The following MYRIP variants were observed in gnomAD, a reference collection of about 807,000 sequenced individuals.
The protein encoded by MYRIP is rab effector MyRIP.
MYRIP carries 49 observed loss-of-function variants against 98.0 expected under a neutral mutation model. The ratio of observed to expected loss-of-function variants is 0.50; its 90% CI spans 0.40 to 0.63. MYRIP has a LOEUF of 0.63. Ranked by LOEUF, MYRIP falls within the 30% of genes least tolerant of loss-of-function variation. The probability of loss-of-function intolerance (pLI) is 0.00; values close to 1 mark genes in which losing one functional copy is unlikely to be tolerated. For missense variants in MYRIP, 1,004 were observed against 1,058.2 expected (o/e 0.95, Z 0.71); for synonymous variants, 404 against 409.5 (o/e 0.99, Z 0.16).
At chr3:40,021,655 C>G (rs767575601) in intron 2 of MYRIP, among the ~76,000 whole-genome samples, 1 of 152,184 alleles carries the variant, frequency 6.6e-6, no homozygotes, top group East Asian at 1.9e-4. Flanking sequence ...AGAAAATTCT[C>G]TAGGACAAAA....
chr3:40,108,282 CAG>C (rs1424471555), intron 3 of MYRIP, among the ~76,000 whole-genome samples: 6 of 55,666 alleles, frequency 1.1e-4, no homozygotes, highest in Admixed American at 9.9e-4. Flanking sequence ...TGAAAAAAGA[CAG>C]AGTTTATAAT....
Position 40,167,203 on chromosome 3 carries a change from G to A in MYRIP, c.693G>A (p.Glu231=). ...GTTACCTGCGGGACCACAAGGAGGAGCTAACTGAGGAACTGGCCACGACAA... is the reference window on the plus strand; with the variant it reads ...GTTACCTGCGGGACCACAAGGAGGAACTAACTGAGGAACTGGCCACGACAA... ...EASYLRDHKE[E]LTEELATTIL... Residue 231 remains glutamate (E), a synonymous_variant, in exon 7 of 17, where the codon GAG becomes GAA. Transcript: ENST00000302541. 1.2e-6 allele frequency: 2 copies of A among 1,614,202 alleles called. No homozygotes were observed. The highest frequency in any genetic ancestry group is 1.7e-6 in the Non-Finnish European group (2 of 1,180,042).
intron 8 of MYRIP, among the ~76,000 whole-genome samples, chr3:40,181,226 G>A (rs1358057431): frequency 3.1e-5 from 4 of 127,510 alleles, no homozygotes; most frequent in East Asian, 2.3e-4. Flanking sequence ...AGGTGGTCAC[G>A]GAGCCCAGGC....
At chr3:39,894,476 C>T (rs1434491858) in intron 1 of MYRIP, among the ~76,000 whole-genome samples, 12 of 152,098 alleles carry the variant, frequency 7.9e-5, no homozygotes, top group Admixed American at 1.3e-4. Context: ...GTAGTGTTCC[C>T]GTGGGTGAAT....
chr3:40,116,665 C>T (rs537292591), intron 3 of MYRIP, among the ~76,000 whole-genome samples: 8 of 152,276 alleles, frequency 5.3e-5, no homozygotes, highest in South Asian at 4.1e-4. Context: ...GTTTAGAACA[C>T]GGCGTCCTTT....
chr3:39,903,457 C>G (rs1250129802), intron 2 of MYRIP, among the ~76,000 whole-genome samples: 1 of 152,038 alleles, frequency 6.6e-6, no homozygotes, highest in Admixed American at 6.6e-5. Flanking sequence ...GAGGTTAGGT[C>G]TTGAGTGTAG....
At chr3:39,974,084 C>T (rs1945675895) in intron 2 of MYRIP, among the ~76,000 whole-genome samples, 1 of 138,072 alleles carries the variant, frequency 7.2e-6, no homozygotes, top group African/African-American at 2.5e-5. Context: ...ACACAAAAAA[C>T]CCTATAAAAA....
intron 3 of MYRIP, among the ~76,000 whole-genome samples, chr3:40,054,484 T>C (rs988342325): frequency 1.3e-5 from 2 of 152,188 alleles, no homozygotes; most frequent in African/African-American, 4.8e-5. Context: ...GTCTGGATGT[T>C]GCAGTGAAAA....
intron 2 of MYRIP, among the ~76,000 whole-genome samples, chr3:40,019,714 T>TCCC (rs78238096): frequency 1.4e-5 from 2 of 147,624 alleles, no homozygotes; most frequent in African/African-American, 5.0e-5. Context: ...AACAATTCAA[T>TCCC]CCCCCCCCCG....
At chr3:40,134,977 TCTC>T (rs1400083602) in intron 3 of MYRIP, among the ~76,000 whole-genome samples, 3 of 151,948 alleles carry the variant, frequency 2.0e-5, no homozygotes, top group African/African-American at 7.3e-5. Context: ...TCAGAGCACC[TCTC>T]CTCCTCCAAA....
At chr3:40,024,245 T>C (rs1947070925) in intron 2 of MYRIP, among the ~76,000 whole-genome samples, 1 of 152,198 alleles carries the variant, frequency 6.6e-6, no homozygotes, top group East Asian at 1.9e-4. Flanking sequence ...TCCTGGTCTG[T>C]CGTATGCACT....
chr3:39,997,793 C>T (rs1214465078), intron 2 of MYRIP, among the ~76,000 whole-genome samples: 2 of 152,156 alleles, frequency 1.3e-5, no homozygotes, highest in Non-Finnish European at 2.9e-5. Flanking sequence ...TGATAAAATA[C>T]TGGCAAACGA....
chr3:39,976,736 G>T (rs528172919), intron 2 of MYRIP, among the ~76,000 whole-genome samples: 8 of 152,246 alleles, frequency 5.3e-5, no homozygotes, highest in Non-Finnish European at 1.2e-4. Flanking sequence ...TGAGTTCCTT[G>T]TCCTTTGTAG....
At chr3:40,154,261 T>A (rs1431329805) in intron 4 of MYRIP, among the ~76,000 whole-genome samples, 5 of 152,208 alleles carry the variant, frequency 3.3e-5, no homozygotes, top group Admixed American at 3.3e-4. Flanking sequence ...ACCTTTCTCC[T>A]TCTCCTGCAG....
intron 3 of MYRIP, among the ~76,000 whole-genome samples, chr3:40,053,745 G>T (rs1302808282): frequency 6.6e-6 from 1 of 152,102 alleles, no homozygotes; most frequent in Non-Finnish European, 1.5e-5. Flanking sequence ...TGCTCAACAG[G>T]CTTCCTTACT....
At chr3:40,043,339 A>AT (rs1001614150) in intron 2 of MYRIP, among the ~76,000 whole-genome samples, 1 of 151,674 alleles carries the variant, frequency 6.6e-6, no homozygotes, top group Admixed American at 6.6e-5. Flanking sequence ...ATTCAGGGTA[A>AT]TTTTTTTTCT....
rs556758531 is a variant in MYRIP, at chr3:40,150,364, T to G, written c.333-684T>G. Among the ~76,000 whole-genome samples the G allele has an allele frequency of 6.6e-5, 10 of 152,318 alleles. No individual in the cohort carries two copies. In the East Asian group the frequency reaches 1.9e-3, roughly 29 times the overall value. On this transcript the variant is annotated intron_variant, in intron 3 of 16. Coordinates refer to ENST00000302541, the MANE Select transcript of MYRIP (RefSeq NM_015460.4). ...CCTCGGCCTTCCAAAGTGCTGGGATTACAGGCATGAGCCACAGCACCCAGC... is the reference window on the plus strand; with the variant it reads ...CCTCGGCCTTCCAAAGTGCTGGGATGACAGGCATGAGCCACAGCACCCAGC...
At chr3:40,113,583 G>T (rs1949206379) in intron 3 of MYRIP, among the ~76,000 whole-genome samples, 1 of 152,226 alleles carries the variant, frequency 6.6e-6, no homozygotes, top group Non-Finnish European at 1.5e-5. Flanking sequence ...ACAAAGTTAA[G>T]TCCCAGTGTA....
intron 3 of MYRIP, among the ~76,000 whole-genome samples, chr3:40,113,998 C>T (rs1949216741): frequency 6.6e-6 from 1 of 152,128 alleles, no homozygotes; most frequent in South Asian, 2.1e-4. Context: ...CAAGAATTTA[C>T]TTTTATAATC....
Sources: gnomAD v4.1 joint callset for allele counts (sites outside exome capture counted in the v4.1 genomes callset) on GRCh38, gnomAD v4.1.1 for gene constraint, MANE v1.5 for transcripts, NCBI Gene and HGNC (gene_info 2026-07-23, HGNC 2026-07-21) for gene names.